The following VWDE variants were observed in gnomAD, a reference collection of about 807,000 sequenced individuals.
The protein encoded by VWDE is von Willebrand factor D and EGF domains, also known as von Willebrand factor D and EGF domain-containing protein.
VWDE carries 207 observed loss-of-function variants against 178.4 expected under a neutral mutation model. The ratio of observed to expected loss-of-function variants is 1.16; its 90% CI spans 1.04 to 1.30. The LOEUF is 1.30. VWDE is among the 50% of genes most tolerant of loss of function. The pLI is 0.00. For synonymous variants in VWDE, 738 were observed against 651.4 expected (o/e 1.13, Z -2.02); for missense variants, 2,287 against 1,901.3 (o/e 1.20, Z -3.77).
intron 4 of VWDE, among the ~76,000 whole-genome samples, chr7:12,380,948 C>T (rs1416387878): frequency 6.6e-6 from 1 of 152,164 alleles, no homozygotes; most frequent in Non-Finnish European, 1.5e-5. Flanking sequence ...GTTATCAGCT[C>T]AAGCTTATAT....
chr7:12,336,953 C>G (rs1039939295), intron 26 of VWDE, 35 bp downstream of exon 26: 2 of 1,508,162 alleles, frequency 1.3e-6, no homozygotes, highest in African/African-American at 1.4e-5. Flanking sequence ...CCATGAAGGA[C>G]GAAAGCTTCA....
intron 2 of VWDE, among the ~76,000 whole-genome samples, chr7:12,390,289 A>G (rs1436914067): frequency 6.6e-6 from 1 of 152,096 alleles, no homozygotes; most frequent in Non-Finnish European, 1.5e-5. Flanking sequence ...GAAACTATGT[A>G]TGACTTGGGA....
intron 13 of VWDE, among the ~76,000 whole-genome samples, chr7:12,366,266 GATTTT>G (rs1459746680): frequency 6.6e-6 from 1 of 152,070 alleles, no homozygotes; most frequent in African/African-American, 2.4e-5. Flanking sequence ...GAGGATTCCA[GATTTT>G]ACTCTGTATT....
In VWDE at chr7:12,375,148, T is replaced by A; in HGVS notation, c.1104A>T (p.Gly368=). The A allele has an allele frequency of 6.4e-7, 1 of 1,551,232 alleles. No homozygotes were observed. The highest frequency in any genetic ancestry group is 1.2e-5 in the South Asian group (1 of 84,054). ...DLLQTSSCAN[G]TCSHTFVYYT... Reference sequence around the variant, plus strand: ...AGTACACAAAAGTGTGGCTACAGGTTCCATTAGCACAGGAAGATGTCTGGA... The same window carrying A: ...AGTACACAAAAGTGTGGCTACAGGTACCATTAGCACAGGAAGATGTCTGGA... The change falls in exon 8 of 29, where the codon GGA becomes GGT. Residue 368 remains glycine, a synonymous_variant. Transcript: ENST00000275358.
chr7:12,345,760 G>C (rs1781566058), intron 19 of VWDE, among the ~76,000 whole-genome samples: 1 of 152,094 alleles, frequency 6.6e-6, no homozygotes, highest in Non-Finnish European at 1.5e-5. Flanking sequence ...TTTGTACTGA[G>C]ACTACGATCC....
chr7:12,372,170 A>G (rs1783243012), intron 10 of VWDE, among the ~76,000 whole-genome samples: 1 of 151,302 alleles, frequency 6.6e-6, no homozygotes, highest in Non-Finnish European at 1.5e-5. Flanking sequence ...TCTTTTGTGA[A>G]AAGGTTTTTT....
At chr7:12,337,418 T>C in intron 24 of VWDE, 146 bp from the exon 25 acceptor site, 1 of 744,702 alleles carries the variant, frequency 1.3e-6, no homozygotes, top group Non-Finnish European at 2.3e-6. Flanking sequence ...AACCTGTCCT[T>C]TCTAAATCAT....
At chr7:12,370,913 C>T in intron 10 of VWDE, 49 bp from the exon 11 acceptor site, 3 of 1,351,450 alleles carry the variant, frequency 2.2e-6, no homozygotes, top group Non-Finnish European at 2.9e-6. Context: ...AAGCAATATT[C>T]AACCTGGATT....
chr7:12,387,944 A>G (rs978893802), intron 3 of VWDE, among the ~76,000 whole-genome samples: 4 of 152,172 alleles, frequency 2.6e-5, no homozygotes, highest in African/African-American at 9.7e-5. Flanking sequence ...ATGTTAACAT[A>G]TTACAAAGCC....
At chr7:12,393,803 T>C in intron 1 of VWDE, 25 bp from the exon 2 acceptor site, 1 of 1,510,304 alleles carries the variant, frequency 6.6e-7, no homozygotes, top group Non-Finnish European at 8.9e-7. Context: ...CAGGTGTTTT[T>C]ATGTAATGTG....
intron 1 of VWDE, among the ~76,000 whole-genome samples, chr7:12,403,348 C>A (rs570045434): frequency 5.4e-4 from 82 of 152,246 alleles, no homozygotes; most frequent in African/African-American, 1.8e-3. Flanking sequence ...AAGTTTCTTA[C>A]AGTAAATTAC....
At chr7:12,333,955 A>G (rs973268185) in intron 27 of VWDE, among the ~76,000 whole-genome samples, 1 of 152,146 alleles carries the variant, frequency 6.6e-6, no homozygotes, top group Non-Finnish European at 1.5e-5. Context: ...GAGACAACCC[A>G]GTACTGGCTA....
chr7:12,362,216 A>G (rs1174224872), intron 13 of VWDE, among the ~76,000 whole-genome samples: 3 of 76,952 alleles, frequency 3.9e-5, no homozygotes, highest in Non-Finnish European at 7.1e-5. Flanking sequence ...AATTGAGACA[A>G]ACATACACAC....
intron 1 of VWDE, among the ~76,000 whole-genome samples, chr7:12,396,635 T>C (rs940313624): frequency 3.9e-5 from 6 of 152,102 alleles, no homozygotes; most frequent in Non-Finnish European, 5.9e-5. Flanking sequence ...CTGCCAGATG[T>C]GGTGACTCAC....
chr7:12,377,810 G>A lies in VWDE; in HGVS notation c.990C>T (p.Cys330=). Residue 330 remains cysteine, a synonymous_variant, in exon 7 of 29, where the codon TGC becomes TGT. Coordinates refer to ENST00000275358, the MANE Select transcript of VWDE (RefSeq NM_001135924.3). ...CSEFSELDQE[C]KISLKLKTIG... ...TAGTTTTCAGTTTTAATGAGATTTT[G>A]CATTCTTGATCAAGCTCACTAAATT... 1.3e-6 allele frequency: 2 copies of A among 1,517,544 alleles called. No homozygotes were observed. The allele number at this position is 1,517,544 out of a possible 1,614,324, so 94.0% of individuals were successfully genotyped here.
At chr7:12,355,415 C>CTAA (rs1782183450) in intron 18 of VWDE, among the ~76,000 whole-genome samples, 1 of 139,736 alleles carries the variant, frequency 7.2e-6, no homozygotes, top group African/African-American at 2.6e-5. Flanking sequence ...AACTCCGTCT[C>CTAA]AAAAAAAAAA....
At chr7:12,394,522 G>A (rs1051161425) in intron 1 of VWDE, among the ~76,000 whole-genome samples, 5 of 152,034 alleles carry the variant, frequency 3.3e-5, no homozygotes, top group South Asian at 2.1e-4. Flanking sequence ...CACAGAGGCC[G>A]AACAAAAAGC....
intron 17 of VWDE, among the ~76,000 whole-genome samples, chr7:12,356,573 A>G (rs1782264884): frequency 6.6e-6 from 1 of 152,192 alleles, no homozygotes. Flanking sequence ...TTTTCTAAAA[A>G]AAAAGTTACA....
chr7:12,377,978 C>T, intron 6 of VWDE, 58 bp from the exon 7 acceptor site: 2 of 1,293,930 alleles, frequency 1.5e-6, no homozygotes, highest in Non-Finnish European at 2.0e-6. Context: ...TTCTAAGGCA[C>T]AGTTTTGAAA....
Sources: allele counts gnomAD v4.1 joint callset (sites outside exome capture counted in the v4.1 genomes callset), GRCh38; gene constraint gnomAD v4.1.1; transcripts MANE v1.5; gene names NCBI Gene and HGNC (gene_info 2026-07-23, HGNC 2026-07-21).